ZBTB49: variants seen among roughly 807,000 people sequenced by gnomAD.
ZBTB49 encodes the protein zinc finger and BTB domain-containing protein 49.
ZBTB49 carries 43 observed loss-of-function variants against 57.5 expected under a neutral mutation model. The observed-to-expected ratio is 0.75, with a 90% confidence interval of 0.59 to 0.97. The LOEUF is 0.97. ZBTB49 is among the 50% of genes least tolerant of loss of function. The pLI, the probability that ZBTB49 is intolerant of heterozygous loss-of-function variation, is 0.00. For synonymous variants in ZBTB49, 369 were observed against 362.1 expected (o/e 1.02, Z -0.22); for missense variants, 938 against 947.7 (o/e 0.99, Z 0.13).
chr4:4,313,317 A>G (rs1721055717), intron 5 of ZBTB49, among the ~76,000 whole-genome samples: 1 of 152,252 alleles, frequency 6.6e-6, no homozygotes, highest in Non-Finnish European at 1.5e-5. Flanking sequence ...TAATTCAAAG[A>G]AAGAAAAGCT....
chr4:4,300,809 A>C, intron 2 of ZBTB49, among the ~76,000 whole-genome samples: 1 of 151,794 alleles, frequency 6.6e-6, no homozygotes, highest in East Asian at 1.9e-4. Flanking sequence ...TGTTAGAGTT[A>C]AGTGATTCTG....
chr4:4,297,452 G>A (rs1720263546), intron 1 of ZBTB49, among the ~76,000 whole-genome samples: 1 of 152,096 alleles, frequency 6.6e-6, no homozygotes, highest in Non-Finnish European at 1.5e-5. Flanking sequence ...GAAGACACTG[G>A]GAAGATCACA....
chr4:4,318,606 TCAAAAA>T (rs1162108218), intron 7 of ZBTB49, among the ~76,000 whole-genome samples: 2 of 152,042 alleles, frequency 1.3e-5, no homozygotes, highest in Non-Finnish European at 2.9e-5. Context: ...AGACTCCATC[TCAAAAA>T]CAAAAACAAA....
intron 3 of ZBTB49, among the ~76,000 whole-genome samples, chr4:4,305,198 C>T (rs773928660): frequency 1.3e-5 from 2 of 151,476 alleles, no homozygotes; most frequent in Non-Finnish European, 2.9e-5. Flanking sequence ...GTCAAGGAAG[C>T]CATTAGACAT....
intron 1 of ZBTB49, among the ~76,000 whole-genome samples, chr4:4,296,850 AG>A: frequency 6.6e-6 from 1 of 152,276 alleles, no homozygotes; most frequent in South Asian, 2.1e-4. Flanking sequence ...ACCAAAGGAC[AG>A]GGTGAAGCAA....
chr4:4,321,195 C>G lies in ZBTB49; in HGVS notation c.2177C>G (p.Pro726Arg). ...GCTTTGGACAACCACGGCGGTGACC[C>G]CCTGGGCAGTCGAGCATCTTCCACC... is the stretch of plus-strand genomic sequence containing the variant. ...LAALDNHGGD[P>R]LGSRASSTTY... Residue 726 changes from proline (P) to arginine (R), a missense_variant, in exon 8 of 8, where the codon CCC becomes CGC. Around this residue, in one of 3 missense-constraint regions of ZBTB49, gnomAD observed 835 missense variants for 819.1 expected, o/e 1.02. Transcript: ENST00000337872. 1.2e-6 allele frequency: 2 copies of G among 1,614,194 alleles called. No homozygotes were observed. The highest frequency in any genetic ancestry group is 1.7e-5 in the Admixed American group (1 of 60,026).
chr4:4,297,769 G>A (rs1332994698), intron 1 of ZBTB49, among the ~76,000 whole-genome samples: 1 of 99,336 alleles, frequency 1.0e-5, no homozygotes, highest in Non-Finnish European at 2.2e-5. Context: ...GCTAGATCCT[G>A]TTTCAAAAAA....
At chr4:4,299,052 A>G (rs988785859) in intron 1 of ZBTB49, among the ~76,000 whole-genome samples, 1 of 152,182 alleles carries the variant, frequency 6.6e-6, no homozygotes, top group African/African-American at 2.4e-5. Flanking sequence ...CAGTGTCTAC[A>G]CAATGGCTTC....
chr4:4,319,705 C>T (rs1240628853), intron 7 of ZBTB49, among the ~76,000 whole-genome samples: 1 of 152,058 alleles, frequency 6.6e-6, no homozygotes, highest in Non-Finnish European at 1.5e-5. Flanking sequence ...TTGTAAATCC[C>T]AGCTACTCGG....
At chr4:4,299,808 T>TGTGA (rs1553803895) in intron 1 of ZBTB49, 119 bp from the exon 2 acceptor site, 3 of 711,780 alleles carry the variant, frequency 4.2e-6, no homozygotes, top group Non-Finnish European at 6.9e-6. Flanking sequence ...TGTGTGTGTG[T>TGTGA]GTGAGAGAGA....
At chr4:4,297,002 G>A (rs1229246539) in intron 1 of ZBTB49, among the ~76,000 whole-genome samples, 2 of 152,158 alleles carry the variant, frequency 1.3e-5, no homozygotes, top group Non-Finnish European at 2.9e-5. Flanking sequence ...GGGAAATTTG[G>A]AACTGAGAAA....
At chr4:4,298,028 A>C (rs930324903) in intron 1 of ZBTB49, among the ~76,000 whole-genome samples, 1 of 152,218 alleles carries the variant, frequency 6.6e-6, no homozygotes, top group African/African-American at 2.4e-5. Flanking sequence ...ATTTTTAACA[A>C]GCTCCCCAGG....
At chr4:4,304,893 T>C (rs1490055848) in intron 3 of ZBTB49, among the ~76,000 whole-genome samples, 1 of 152,134 alleles carries the variant, frequency 6.6e-6, no homozygotes, top group African/African-American at 2.4e-5. Flanking sequence ...ATGGTAGATA[T>C]CAATAGCTAT....
intron 5 of ZBTB49, among the ~76,000 whole-genome samples, chr4:4,313,990 G>C (rs1310723571): frequency 6.6e-6 from 1 of 152,206 alleles, no homozygotes; most frequent in Admixed American, 6.5e-5. Context: ...TCATACCGAA[G>C]TGCCTTGAGG....
Position 4,302,569 on chromosome 4 carries a change from A to G in ZBTB49, c.733A>G (p.Thr245Ala), listed in dbSNP as rs1720536599. ...TGTTGAGCAGCCTTTTGCTTTCAGC[A>G]CCTCTACAGACCTTACCACGGTAGA... ...RVVEQPFAFS[T>A]STDLTTVESQ... is the part of the protein sequence containing the mutation. Residue 245 changes from threonine (T) to alanine (A), a missense_variant, in exon 3 of 8, where the codon ACC becomes GCC. Coordinates refer to ENST00000337872, the MANE Select transcript of ZBTB49 (RefSeq NM_145291.4). 1.2e-6 allele frequency: 2 copies of G among 1,613,936 alleles called. No individual in the cohort carries two copies. Among genetic ancestry groups the G allele is most frequent in the Non-Finnish European group, 1.7e-6 (2 of 1,179,942 alleles).
chr4:4,315,772 C>T, intron 6 of ZBTB49, 37 bp from the exon 7 acceptor site: 2 of 1,613,838 alleles, frequency 1.2e-6, no homozygotes, highest in Non-Finnish European at 1.7e-6. Context: ...AAAATGTTCT[C>T]TGTCCTTCAG....
chr4:4,306,933 C>G (rs1158753099), intron 4 of ZBTB49, among the ~76,000 whole-genome samples: 1 of 152,218 alleles, frequency 6.6e-6, no homozygotes, highest in Non-Finnish European at 1.5e-5. Context: ...ATGGTAGATC[C>G]TGTGGCAGCA....
intron 2 of ZBTB49, among the ~76,000 whole-genome samples, chr4:4,300,664 C>G (rs1260859754): frequency 6.6e-6 from 1 of 151,206 alleles, no homozygotes; most frequent in Non-Finnish European, 1.5e-5. Flanking sequence ...TTCTGTATTC[C>G]CAGCTACTCA....
chr4:4,297,256 A>G (rs1023269538), intron 1 of ZBTB49, among the ~76,000 whole-genome samples: 3 of 151,872 alleles, frequency 2.0e-5, no homozygotes, highest in African/African-American at 7.3e-5. Context: ...TTTTTGTAGA[A>G]ACAGGGTTTC....
Sources: allele counts gnomAD v4.1 joint callset (sites outside exome capture counted in the v4.1 genomes callset), GRCh38; gene constraint gnomAD v4.1.1; regional missense constraint gnomAD v4.1.1; transcripts MANE v1.5; gene names NCBI Gene and HGNC (gene_info 2026-07-23, HGNC 2026-07-21).